The following TRIM49 variants were observed in gnomAD, a reference collection of about 807,000 sequenced individuals.
TRIM49 encodes tripartite motif containing 49, also known as tripartite motif-containing protein 49.
In TRIM49, 5 loss-of-function variants were observed where a neutral mutation model predicts 27.4. The ratio of observed to expected loss-of-function variants is 0.18; its 90% CI spans 0.10 to 0.38. TRIM49 has a LOEUF of 0.38. Among genes scored for constraint, TRIM49 ranks in the 10% least tolerant of loss-of-function variants. TRIM49 has a pLI of 1.00. For synonymous variants in TRIM49, 69 were observed against 166.0 expected (o/e 0.42, Z 4.49); for missense variants, 188 against 487.5 (o/e 0.39, Z 5.79).
chr11:89,796,960 G>A (rs1462719829), downstream of TRIM49, among the ~76,000 whole-genome samples: 2 of 150,658 alleles, frequency 1.3e-5, no homozygotes, highest in South Asian at 4.2e-4. Flanking sequence ...AATGCTAATA[G>A]TCAGTTTCCC....
At chr11:89,792,755 G>A (rs1655926450), downstream of TRIM49, among the ~76,000 whole-genome samples, 1 of 152,086 alleles carries the variant, frequency 6.6e-6, no homozygotes, top group East Asian at 1.9e-4. Context: ...GTGTGTGGAG[G>A]GAAATTTATA....
At chr11:89,769,286 TTTAAAATGTATTCTCATCTC>T in the TRIM49 span, among the ~76,000 whole-genome samples, 3 of 133,568 alleles carry the variant, frequency 2.2e-5, no homozygotes, top group East Asian at 6.3e-4. Context: ...CTGCAACACT[TTTAAAATGTATTCTCATCTC>T]TTACACTTAT....
chr11:89,789,956 G>T, the TRIM49 span, among the ~76,000 whole-genome samples: 4 of 150,084 alleles, frequency 2.7e-5, no homozygotes. Flanking sequence ...AGGAGGATGA[G>T]GCATCGCCTC....
the TRIM49 span, chr11:89,766,701 C>T: frequency 3.3e-6 from 5 of 1,531,078 alleles, no homozygotes; most frequent in South Asian, 3.5e-5. Context: ...CACACTTCCA[C>T]TTTCAAAATC....
chr11:89,796,947 A>T (rs1349473155), downstream of TRIM49, among the ~76,000 whole-genome samples: 1 of 150,444 alleles, frequency 6.6e-6, no homozygotes, highest in African/African-American at 2.4e-5. Flanking sequence ...CTAGCCCATA[A>T]GAAATGCTAA....
chr11:89,772,944 T>G, the TRIM49 span, among the ~76,000 whole-genome samples: 1 of 134,966 alleles, frequency 7.4e-6, no homozygotes, highest in Non-Finnish European at 1.5e-5. Flanking sequence ...GAAAAAGACT[T>G]GAAGTCTAAA....
the TRIM49 span, chr11:89,768,359 C>T: frequency 5.2e-6 from 6 of 1,163,604 alleles, 1 homozygote; most frequent in African/African-American, 4.4e-5. Flanking sequence ...ACAGAAAATG[C>T]TTCATTCAAA....
At chr11:89,777,482 G>T in the TRIM49 span, 82 of 1,486,802 alleles carry the variant, frequency 5.5e-5, no homozygotes, top group South Asian at 1.1e-3. Flanking sequence ...TGCAGATGAT[G>T]GAGGTGGTGA....
chr11:89,766,823 G>T, the TRIM49 span: 4 of 1,331,520 alleles, frequency 3.0e-6, no homozygotes, highest in Non-Finnish European at 4.2e-6. Context: ...GAAGAAATAT[G>T]TCCTTAGATT....
chr11:89,785,262 AAAT>A, the TRIM49 span, among the ~76,000 whole-genome samples: 4 of 125,470 alleles, frequency 3.2e-5, 1 homozygote, highest in African/African-American at 9.9e-5. Context: ...ATAAATAAAT[AAAT>A]AAAATCACCT....
chr11:89,789,825 G>C, the TRIM49 span: 1 of 152,554 alleles, frequency 6.6e-6, no homozygotes, highest in Non-Finnish European at 1.5e-5. Flanking sequence ...AGCTCCCAGC[G>C]TGAGCGATGC....
At chr11:89,778,038 GT>G in the TRIM49 span, 2 of 524,064 alleles carry the variant, frequency 3.8e-6, no homozygotes, top group African/African-American at 1.9e-5. Context: ...TGTTTCCTTT[GT>G]TTTTACGCAA....
At chr11:89,796,768 T>C (rs1949692641), downstream of TRIM49, among the ~76,000 whole-genome samples, 2 of 151,902 alleles carry the variant, frequency 1.3e-5, no homozygotes, top group Admixed American at 6.5e-5. Flanking sequence ...TATTTATTGT[T>C]TTATAGGATT....
chr11:89,790,698 A>T, the TRIM49 span, among the ~76,000 whole-genome samples: 2 of 152,116 alleles, frequency 1.3e-5, no homozygotes, highest in East Asian at 3.9e-4. Flanking sequence ...CCTGACTGTT[A>T]GAAGGAAAAC....
At chr11:89,777,231 C>T in the TRIM49 span, 1 of 1,548,690 alleles carries the variant, frequency 6.5e-7, no homozygotes, top group Non-Finnish European at 8.7e-7. Context: ...GACCTCAGAA[C>T]ATCAACAGCT....
chr11:89,784,672 G>T, the TRIM49 span, among the ~76,000 whole-genome samples: 1 of 142,674 alleles, frequency 7.0e-6, no homozygotes, highest in Non-Finnish European at 1.5e-5. Context: ...GTTGATGCTA[G>T]AACTCTATGC....
At chr11:89,767,784 A>G in the TRIM49 span, among the ~76,000 whole-genome samples, 3 of 135,000 alleles carry the variant, frequency 2.2e-5, 1 homozygote, top group African/African-American at 3.6e-5. Flanking sequence ...TATAAATGCT[A>G]TGAAACTTCA....
chr11:89,774,192 G>C, the TRIM49 span, among the ~76,000 whole-genome samples: 5 of 150,572 alleles, frequency 3.3e-5, no homozygotes, highest in Admixed American at 2.0e-4. Flanking sequence ...AGTACAGATG[G>C]AGTTTCACTA....
chr11:89,766,595 T>C, the TRIM49 span: 1 of 902,242 alleles, frequency 1.1e-6, no homozygotes, highest in Non-Finnish European at 1.7e-6. Context: ...ATCCTTGTCA[T>C]CTGTGGCCAG....
Sources: allele counts gnomAD v4.1 joint callset (sites outside exome capture counted in the v4.1 genomes callset), GRCh38; gene constraint gnomAD v4.1.1; transcripts MANE v1.5; gene names NCBI Gene and HGNC (gene_info 2026-07-23, HGNC 2026-07-21).